NFIC: variants seen among roughly 807,000 people sequenced by gnomAD.
The protein encoded by NFIC is nuclear factor 1 C-type.
A neutral mutation model predicts 54.4 loss-of-function variants in NFIC; 12 were observed. The ratio of observed to expected loss-of-function variants is 0.22; its 90% CI spans 0.14 to 0.36. The LOEUF (loss-of-function observed/expected upper bound fraction) is 0.36. Ranked by LOEUF, NFIC falls within the 10% of genes least tolerant of loss-of-function variation. The pLI, the probability that NFIC is intolerant of heterozygous loss-of-function variation, is 1.00. For synonymous variants in NFIC, 322 were observed against 319.2 expected, an observed-to-expected ratio of 1.01 and a Z score of -0.09; for missense variants, 575 against 718.2, an observed-to-expected ratio of 0.80 and a Z score of 2.28.
chr19:3,363,269 A>ATTTT (rs1178364391), upstream of NFIC, among the ~76,000 whole-genome samples: 24 of 36,686 alleles, frequency 6.5e-4, no homozygotes, highest in East Asian at 2.4e-3. Flanking sequence ...ATATATATAT[A>ATTTT]TTTTTTTTTT....
chr19:3,422,124 T>C (rs1002613817), intron 2 of NFIC, among the ~76,000 whole-genome samples: 1 of 152,012 alleles, frequency 6.6e-6, no homozygotes, highest in Non-Finnish European at 1.5e-5. Flanking sequence ...TTGGTAGAGA[T>C]GGGGTTTCAC....
At chr19:3,412,073 C>G (rs962287421) in intron 2 of NFIC, among the ~76,000 whole-genome samples, 3 of 152,108 alleles carry the variant, frequency 2.0e-5, no homozygotes, top group Admixed American at 6.6e-5. Flanking sequence ...AAAAGATGTT[C>G]ATTTATATGT....
In NFIC at chr19:3,448,853, C is replaced by T. The variant is rs185564125; in HGVS notation, c.959-161C>T. ...TCTCTGCTCTGAGCCTTCGTTTACTCCTCTGTGTAATGGGCTCACAGCCTC... is the reference window on the plus strand; with the variant it reads ...TCTCTGCTCTGAGCCTTCGTTTACTTCTCTGTGTAATGGGCTCACAGCCTC... On this transcript the variant is annotated intron_variant, in intron 6 of 10. Coordinates refer to ENST00000443272, the MANE Select transcript of NFIC (RefSeq NM_001245002.2). Among the ~76,000 whole-genome samples the T allele has an allele frequency of 2.4e-3, 359 of 152,262 alleles. 3 individuals carry two copies. The highest frequency in any genetic ancestry group is 8.3e-3 in the African/African-American group (346 of 41,554).
At position 3,464,295 on chromosome 19, in the gene NFIC, C is replaced by T. The variant is rs2082686012; in HGVS notation, c.*1526C>T. ...AGGGTTTTCGGGGGGTTCGGCGTCGCACCTTGGGGCCCCCCGCAGCCGTGT... is the reference window on the plus strand; with the variant it reads ...AGGGTTTTCGGGGGGTTCGGCGTCGTACCTTGGGGCCCCCCGCAGCCGTGT... On this transcript the variant is annotated 3_prime_UTR_variant, in exon 11 of 11. Coordinates refer to ENST00000443272, the MANE Select transcript of NFIC (RefSeq NM_001245002.2). The T allele has an allele frequency of 3.0e-6, 3 of 985,216 alleles. No individual in the cohort carries two copies. Among genetic ancestry groups the T allele is most frequent in the Non-Finnish European group, 3.6e-6 (3 of 829,920 alleles). The allele number at this position is 985,216 out of a possible 1,614,324, so 61.0% of individuals were successfully genotyped here.
rs1430717356 is a variant in NFIC, at chr19:3,397,015, G to A, written c.562+14772G>A. Among the ~76,000 whole-genome samples the A allele has an allele frequency of 2.0e-5, 3 of 152,080 alleles. No homozygotes were observed. The East Asian group carries it at 5.8e-4, about 29-fold the overall frequency. On this transcript the variant is annotated intron_variant, in intron 2 of 10. Transcript: ENST00000443272. ...TGATCGGTTGTGTCATCTAGTGGGA[G>A]GCAGGGGTGTGTCTGCATGCGTGTC...
Position 3,435,088 on chromosome 19 carries a change from A to G in NFIC, c.839A>G (p.Lys280Arg). The G allele has an allele frequency of 5.0e-6, 8 of 1,598,786 alleles. No individual in the cohort carries two copies. The highest frequency in any genetic ancestry group is 6.8e-6 in the Non-Finnish European group (8 of 1,170,742). ...CCCCTTCCCTCGCCCATAAGGAGCA[A>G]GCGGCACAAATCGGGCTCGATGGAG... ...TLPSTSSSGS[K>R]RHKSGSMEED... is the part of the protein sequence containing the mutation. The change falls in exon 6 of 11, where the codon AAG becomes AGG. Residue 280 changes from lysine to arginine, a missense_variant. Around this residue, in one of 3 missense-constraint regions of NFIC, gnomAD observed 447 missense variants for 526.9 expected, o/e 0.85. Transcript: ENST00000443272.
At chr19:3,438,785 C>T (rs1433404041) in intron 6 of NFIC, among the ~76,000 whole-genome samples, 4 of 152,082 alleles carry the variant, frequency 2.6e-5, no homozygotes, top group African/African-American at 4.8e-5. Flanking sequence ...GTGTGCTGGC[C>T]CTACCTGAGG....
chr19:3,402,445 C>T (rs552097650), intron 2 of NFIC, among the ~76,000 whole-genome samples: 12 of 152,302 alleles, frequency 7.9e-5, no homozygotes, highest in African/African-American at 2.9e-4. Context: ...TCTCAACTTT[C>T]TTTCTACAAA....
At chr19:3,422,035 C>T (rs1042379762) in intron 2 of NFIC, among the ~76,000 whole-genome samples, 1 of 152,098 alleles carries the variant, frequency 6.6e-6, no homozygotes, top group South Asian at 2.1e-4. Flanking sequence ...CTCCGGGGTT[C>T]GAGCGATTCT....
Position 3,434,478 on chromosome 19 carries a change from A to T in NFIC, c.833+78A>T, listed in dbSNP as rs2082167527. 3 of 1,479,784 alleles carry T rather than the reference A, an allele frequency of 2.0e-6. No individual in the cohort carries two copies. In the African/African-American group the frequency reaches 4.3e-5, roughly 21 times the overall value. The allele number at this position is 1,479,784 out of a possible 1,614,324, so 91.7% of individuals were successfully genotyped here. A position where few individuals can be genotyped will look rare whatever the true frequency, so the allele number is the denominator to read the frequency against. On this transcript the variant is annotated intron_variant, in intron 5 of 10. Transcript: ENST00000443272. ...CATCCCCTCTGGCCCGAGCTGACTCATTCCTCTCCCTGGAATACCTCTTTT... is the reference window on the plus strand; with the variant it reads ...CATCCCCTCTGGCCCGAGCTGACTCTTTCCTCTCCCTGGAATACCTCTTTT...
At chr19:3,460,537 G>A (rs1231629290) in intron 10 of NFIC, among the ~76,000 whole-genome samples, 1 of 151,856 alleles carries the variant, frequency 6.6e-6, no homozygotes, top group African/African-American at 2.4e-5. Context: ...TTTGTTTTGA[G>A]ACGGAGTCTT....
intron 7 of NFIC, 36 bp downstream of exon 7, chr19:3,449,175 G>A (rs1361312792): frequency 3.8e-6 from 6 of 1,597,104 alleles, no homozygotes; most frequent in Non-Finnish European, 4.3e-6. Context: ...GAGGGGCGGC[G>A]GGCCCTCCTA....
At position 3,452,729 on chromosome 19, in the gene NFIC, C is replaced by T. The variant is rs1467223650; in HGVS notation, c.1269+63C>T. Reference sequence around the variant, plus strand: ...GCTCCAGGTGACCTCCCGGGGGCCACGTGCTCACACGAAGGCACAACCTCT... The same window carrying T: ...GCTCCAGGTGACCTCCCGGGGGCCATGTGCTCACACGAAGGCACAACCTCT... On this transcript the variant is annotated intron_variant, in intron 8 of 10. Transcript: ENST00000443272. This position sits in a 1 kb window ranked among gnomAD's most constrained non-coding sequence, Gnocchi z 5.3. 3.0e-5 allele frequency: 45 copies of T among 1,516,890 alleles called. No individual in the cohort carries two copies. Among genetic ancestry groups the T allele is most frequent in the Middle Eastern group, 1.8e-4 (1 of 5,658 alleles). The allele number at this position is 1,516,890 out of a possible 1,614,324, so 94.0% of individuals were successfully genotyped here.
intron 2 of NFIC, among the ~76,000 whole-genome samples, chr19:3,398,369 CA>C (rs1159158310): frequency 6.6e-6 from 1 of 152,172 alleles, no homozygotes; most frequent in Admixed American, 6.5e-5. Flanking sequence ...AGCCTCACTG[CA>C]GAGGTTGCAG....
intron 2 of NFIC, among the ~76,000 whole-genome samples, chr19:3,423,374 G>A (rs1226509058): frequency 1.3e-5 from 2 of 152,178 alleles, no homozygotes; most frequent in African/African-American, 2.4e-5. Flanking sequence ...ACAGGCTCAG[G>A]ACAGTTAGGC....
intron 6 of NFIC, among the ~76,000 whole-genome samples, chr19:3,443,616 C>T (rs1035789184): frequency 4.0e-5 from 6 of 151,860 alleles, no homozygotes; most frequent in South Asian, 4.2e-4. Context: ...GATCATGGGA[C>T]GCAGAGGATC....
chr19:3,366,537 G>A (rs1402995219), upstream of NFIC: 23 of 571,342 alleles, frequency 4.0e-5, no homozygotes, highest in African/African-American at 2.8e-4. Flanking sequence ...CGCGGGGCGG[G>A]GGGGGGGGTT....
At chr19:3,363,240 T>TGTGC (rs1352352284), upstream of NFIC, among the ~76,000 whole-genome samples, 1 of 54,358 alleles carries the variant, frequency 1.8e-5, no homozygotes, top group African/African-American at 1.1e-4. Flanking sequence ...TGTATGTGTG[T>TGTGC]GTATATATAT....
In NFIC at chr19:3,370,851, C is replaced by T. The variant is rs1419873495; in HGVS notation, c.30+4185C>T. Among the ~76,000 whole-genome samples, 1 of 152,054 alleles carries T rather than the reference C, an allele frequency of 6.6e-6. No individual in the cohort carries two copies. The stretch of plus-strand genomic sequence containing the variant: ...CCGGACACGGCCCGCCCCCCACTCT[C>T]CTGCCTGTGTCCACGCCGACCTCAC... On this transcript the variant is annotated intron_variant, in intron 1 of 10. Coordinates refer to ENST00000443272, the MANE Select transcript of NFIC (RefSeq NM_001245002.2). The surrounding 1 kb of genome is among the most constrained non-coding windows in gnomAD (Gnocchi z 5.2).
Sources: allele counts gnomAD v4.1 joint callset (sites outside exome capture counted in the v4.1 genomes callset), GRCh38; gene constraint gnomAD v4.1.1; regional missense constraint gnomAD v4.1.1; non-coding constraint Gnocchi (gnomAD v3.1); transcripts MANE v1.5; gene names NCBI Gene and HGNC (gene_info 2026-07-23, HGNC 2026-07-21).